Variants in MAML2 observed in about 807,000 individuals in gnomAD.
MAML2 encodes mastermind-like protein 2.
A neutral mutation model predicts 96.1 loss-of-function variants in MAML2; 22 were observed. The ratio of observed to expected loss-of-function variants is 0.23; its 90% CI spans 0.16 to 0.33. The LOEUF is 0.33. Ranked by LOEUF, MAML2 falls within the 10% of genes least tolerant of loss-of-function variation. The pLI is 1.00. For missense variants in MAML2, 1,367 were observed against 1,392.4 expected, an observed-to-expected ratio of 0.98 and a Z score of 0.29; for synonymous variants, 561 against 521.3, an observed-to-expected ratio of 1.08 and a Z score of -1.04.
rs1376295987 is a variant in MAML2, at chr11:96,326,912, T to TA, written c.513+14470dup. 1.3e-5 allele frequency among the ~76,000 whole-genome samples: 2 copies of TA among 152,190 alleles called. 1 individual carries two copies. ...TAGGGCTTGGAATACTTATGGTGAA[T>TA]AAAACTGCCCAGGTTCTTGGTCTCA... On this transcript the variant is annotated intron_variant, in intron 1 of 4. Coordinates refer to ENST00000524717, the MANE Select transcript of MAML2 (RefSeq NM_032427.4).
chr11:96,027,791 G>C (rs921392844), intron 2 of MAML2, among the ~76,000 whole-genome samples: 2 of 152,142 alleles, frequency 1.3e-5, no homozygotes, highest in Non-Finnish European at 2.9e-5. Context: ...GAGTGCAGTG[G>C]CATGATCATG....
chr11:96,177,916 T>TAG (rs1215311413), intron 1 of MAML2, among the ~76,000 whole-genome samples: 23 of 139,854 alleles, frequency 1.6e-4, no homozygotes, highest in South Asian at 4.7e-4. Context: ...GAGACCTTAG[T>TAG]TGTGTGTGTG....
rs1385168579 is a variant in MAML2 at position 96,341,880 on chromosome 11, G to T, written c.16C>A (p.Pro6Thr). 3 of 1,533,002 alleles carry T rather than the reference G, an allele frequency of 2.0e-6. No homozygotes were observed. The highest frequency in any genetic ancestry group is 2.6e-6 in the Non-Finnish European group (3 of 1,143,358). The allele number at this position is 1,533,002 out of a possible 1,614,324, so 95.0% of individuals were successfully genotyped here. A position where few individuals can be genotyped will look rare whatever the true frequency, so the allele number is the denominator to read the frequency against. ...AGCCCTCCTGCGGGGGCCTGCGGGGGCGCTGTGTCCCCCATCTTACCGGAC... is the reference window on the plus strand; with the variant it reads ...AGCCCTCCTGCGGGGGCCTGCGGGGTCGCTGTGTCCCCCATCTTACCGGAC... MGDTA[P>T]PQAPAGGLGG... The change falls in exon 1 of 5, where the codon CCC (proline) becomes ACC (threonine). Residue 6 changes from proline to threonine, a missense_variant. Transcript: ENST00000524717.
At chr11:96,333,826 A>G (rs12419015) in intron 1 of MAML2, among the ~76,000 whole-genome samples, 3,480 of 152,382 alleles carry the variant, frequency 0.023, 67 homozygotes, top group Admixed American at 0.041. Flanking sequence ...CATTAATTTC[A>G]ATTAATAATT....
chr11:96,326,750 GC>G (rs1229505060), intron 1 of MAML2, among the ~76,000 whole-genome samples: 1 of 148,080 alleles, frequency 6.8e-6, no homozygotes, highest in African/African-American at 2.6e-5. Context: ...GGCAACAAGA[GC>G]AAAAGTCTGT....
intron 2 of MAML2, among the ~76,000 whole-genome samples, chr11:95,992,287 T>C (rs960981616): frequency 3.9e-5 from 6 of 152,198 alleles, no homozygotes; most frequent in East Asian, 1.9e-4. Flanking sequence ...CCTTGTAAAT[T>C]TTGTTCCGCA....
chr11:96,313,661 A>G (rs1863585487), intron 1 of MAML2, among the ~76,000 whole-genome samples: 1 of 152,156 alleles, frequency 6.6e-6, no homozygotes, highest in South Asian at 2.1e-4. Context: ...AAATCCTACT[A>G]AGCCAATCCT....
Position 95,979,856 on chromosome 11 carries a change from T to A in MAML2, c.2563A>T (p.Thr855Ser), listed in dbSNP as rs1857709255. The A allele has an allele frequency of 6.2e-7, 1 of 1,613,872 alleles. No homozygotes were observed. Reference protein sequence around the residue: ...NSSLLSTSHGTRMPSLSTAVQ... With the variant: ...NSSLLSTSHGSRMPSLSTAVQ... ...GCTGTAGATAATGATGGCATTCTTGTCCCGTGAGAAGTAGACAGGAGGCTG... is the reference window on the plus strand; with the variant it reads ...GCTGTAGATAATGATGGCATTCTTGACCCGTGAGAAGTAGACAGGAGGCTG... Residue 855 changes from threonine (T) to serine (S), a missense_variant, in exon 5 of 5, where the codon ACA becomes TCA. Transcript: ENST00000524717.
At chr11:96,165,550 A>T (rs189696109) in intron 1 of MAML2, among the ~76,000 whole-genome samples, 96 of 152,224 alleles carry the variant, frequency 6.3e-4, no homozygotes, top group African/African-American at 1.7e-3. Flanking sequence ...CTGTTTTTTT[A>T]AAAAAATGGC....
chr11:96,062,944 C>T (rs1271287160), intron 2 of MAML2, among the ~76,000 whole-genome samples: 1 of 152,110 alleles, frequency 6.6e-6, no homozygotes, highest in Non-Finnish European at 1.5e-5. Flanking sequence ...TTGCCAACCC[C>T]CCAACCTAAT....
In MAML2 at chr11:96,030,102, G is replaced by A. The variant is rs570647707; in HGVS notation, c.2140-38379C>T. On this transcript the variant is annotated intron_variant, in intron 2 of 4. Transcript: ENST00000524717. ...CAAAAAATTAGCCGGGCGTGGTAGC[G>A]GACACCTGTAATCCCTCAGCCTACT... Among the ~76,000 whole-genome samples the A allele has an allele frequency of 1.7e-4, 26 of 152,088 alleles. No individual in the cohort carries two copies. In the South Asian group the frequency reaches 2.5e-3, roughly 15 times the overall value.
chr11:96,277,010 C>T (rs898464719), intron 1 of MAML2, among the ~76,000 whole-genome samples: 9 of 152,192 alleles, frequency 5.9e-5, no homozygotes, highest in East Asian at 3.9e-4. Context: ...GGCCTCTGTA[C>T]ACAGAGCAGG....
At chr11:96,231,834 A>C (rs1044670654) in intron 1 of MAML2, among the ~76,000 whole-genome samples, 1 of 152,168 alleles carries the variant, frequency 6.6e-6, no homozygotes, top group African/African-American at 2.4e-5. Context: ...AGGTTAAAAA[A>C]TATGTCACCA....
intron 1 of MAML2, among the ~76,000 whole-genome samples, chr11:96,198,925 C>A (rs12274686): frequency 2.0e-5 from 3 of 149,662 alleles, no homozygotes; most frequent in African/African-American, 7.4e-5. Context: ...TGGCTGGGTG[C>A]GGTGGCTCAC....
At chr11:96,003,246 G>A (rs2135720430) in intron 2 of MAML2, among the ~76,000 whole-genome samples, 1 of 152,184 alleles carries the variant, frequency 6.6e-6, no homozygotes, top group Non-Finnish European at 1.5e-5. Context: ...TGGAAGGCAG[G>A]GAGAAGGCAC....
chr11:96,235,935 C>T (rs147470260), intron 1 of MAML2, among the ~76,000 whole-genome samples: 1 of 152,136 alleles, frequency 6.6e-6, no homozygotes, highest in Non-Finnish European at 1.5e-5. Context: ...GCACATCTGC[C>T]CACTGCACCC....
chr11:96,069,076 G>T (rs1376390232), intron 2 of MAML2, among the ~76,000 whole-genome samples: 1 of 151,904 alleles, frequency 6.6e-6, no homozygotes, highest in African/African-American at 2.4e-5. Flanking sequence ...CTACAGGCAT[G>T]TGCCACCAGC....
chr11:96,316,357 C>A (rs1208169876), intron 1 of MAML2, among the ~76,000 whole-genome samples: 1 of 152,096 alleles, frequency 6.6e-6, no homozygotes, highest in African/African-American at 2.4e-5. Flanking sequence ...CATAAATAAA[C>A]ACAGAAAATG....
At chr11:96,095,109 C>G (rs1052248139) in intron 1 of MAML2, among the ~76,000 whole-genome samples, 1 of 152,110 alleles carries the variant, frequency 6.6e-6, no homozygotes, top group Admixed American at 6.5e-5. Context: ...TGGGCTTTAA[C>G]TCAAAGTTTG....
Sources: gnomAD v4.1 joint callset for allele counts (sites outside exome capture counted in the v4.1 genomes callset) on GRCh38, gnomAD v4.1.1 for gene constraint, MANE v1.5 for transcripts, NCBI Gene and HGNC (gene_info 2026-07-23, HGNC 2026-07-21) for gene names.